TIMP3: variants seen among roughly 807,000 people sequenced by gnomAD.
TIMP3 encodes TIMP metallopeptidase inhibitor 3.
In TIMP3, 11 loss-of-function variants were observed where a neutral mutation model predicts 30.0. The ratio of observed to expected loss-of-function variants is 0.37; its 90% CI spans 0.23 to 0.61. The LOEUF (loss-of-function observed/expected upper bound fraction) is 0.61. Ranked by LOEUF, TIMP3 falls within the 20% of genes least tolerant of loss-of-function variation. The pLI, the probability that TIMP3 is intolerant of heterozygous loss-of-function variation, is 0.70. For synonymous variants in TIMP3, 112 were observed against 111.3 expected, an observed-to-expected ratio of 1.01 and a Z score of -0.04; for missense variants, 181 against 276.8, an observed-to-expected ratio of 0.65 and a Z score of 2.45.
At chr22:32,830,280 C>T (rs1486924827) in intron 1 of TIMP3, among the ~76,000 whole-genome samples, 3 of 152,204 alleles carry the variant, frequency 2.0e-5, no homozygotes, top group Non-Finnish European at 4.4e-5. Context: ...GGTTACTTTG[C>T]ACCAGGCACT....
At chr22:32,839,122 G>A (rs961854277) in intron 1 of TIMP3, among the ~76,000 whole-genome samples, 1 of 151,962 alleles carries the variant, frequency 6.6e-6, no homozygotes, top group African/African-American at 2.4e-5. Flanking sequence ...GGCATCATAG[G>A]ACAGGTTCAT....
intron 4 of TIMP3, 87 bp from the exon 5 acceptor site, chr22:32,859,093 C>T: frequency 7.3e-7 from 1 of 1,374,770 alleles, no homozygotes; most frequent in Non-Finnish European, 1.0e-6. Flanking sequence ...ATGCAGTGGC[C>T]CCAGGGTCTG....
At chr22:32,815,153 C>T (rs1490925271) in intron 1 of TIMP3, among the ~76,000 whole-genome samples, 1 of 152,206 alleles carries the variant, frequency 6.6e-6, no homozygotes, top group Non-Finnish European at 1.5e-5. Context: ...GGCATCTTCC[C>T]CTCCCCATTT....
intron 1 of TIMP3, among the ~76,000 whole-genome samples, chr22:32,842,637 T>C (rs2047944137): frequency 6.6e-6 from 1 of 152,358 alleles, no homozygotes; most frequent in Admixed American, 6.5e-5. Context: ...TTTGTACATA[T>C]ACATTGTCTC....
At chr22:32,826,895 ATCT>A (rs575246536) in intron 1 of TIMP3, among the ~76,000 whole-genome samples, 21 of 152,190 alleles carry the variant, frequency 1.4e-4, no homozygotes, top group African/African-American at 5.1e-4. Context: ...GCTGCCACTG[ATCT>A]TCTTATTCCA....
intron 1 of TIMP3, among the ~76,000 whole-genome samples, chr22:32,811,892 G>T (rs1215030542): frequency 1.3e-5 from 2 of 152,170 alleles, no homozygotes; most frequent in African/African-American, 4.8e-5. Context: ...AAGTCACTAG[G>T]GTAGCCAAAG....
At chr22:32,852,969 G>A (rs2048264583) in intron 2 of TIMP3, among the ~76,000 whole-genome samples, 1 of 152,222 alleles carries the variant, frequency 6.6e-6, no homozygotes, top group Admixed American at 6.5e-5. Context: ...GGGACAGAAC[G>A]TGGGGGACAT....
chr22:32,846,728 T>C (rs2048073765), intron 1 of TIMP3, among the ~76,000 whole-genome samples: 1 of 152,094 alleles, frequency 6.6e-6, no homozygotes. Flanking sequence ...CCAATAGTAA[T>C]AAGCAAATCA....
At chr22:32,823,908 C>T (rs1246464810) in intron 1 of TIMP3, among the ~76,000 whole-genome samples, 1 of 152,068 alleles carries the variant, frequency 6.6e-6, no homozygotes, top group African/African-American at 2.4e-5. Context: ...CTTTTGACAC[C>T]TATATGTCTA....
chr22:32,852,058 G>C (rs556288169), intron 2 of TIMP3, among the ~76,000 whole-genome samples: 1 of 152,316 alleles, frequency 6.6e-6, no homozygotes, highest in African/African-American at 2.4e-5. Context: ...CATTTACTGA[G>C]CAATTGCTTA....
At chr22:32,823,265 T>C (rs1190807098) in intron 1 of TIMP3, among the ~76,000 whole-genome samples, 1 of 152,174 alleles carries the variant, frequency 6.6e-6, no homozygotes, top group African/African-American at 2.4e-5. Flanking sequence ...AGTTACCTGA[T>C]TGCTCTTACG....
chr22:32,845,542 CG>C lies in TIMP3; in HGVS notation c.122-3907del, dbSNP rs372815830. ...CCACTAGACTAGCCATCAGTGGAAG[CG>C]GGAAATAGGACTTCTATTTCTTGTT... On this transcript the variant is annotated intron_variant, in intron 1 of 4. Transcript: ENST00000266085. Among the ~76,000 whole-genome samples, 475 of 152,246 alleles carry C rather than the reference CG, an allele frequency of 3.1e-3. 2 individuals are homozygous for C. Among genetic ancestry groups the C allele is most frequent in the African/African-American group, 0.011 (449 of 41,552 alleles).
rs536184086 is a variant in TIMP3 at position 32,861,566 on chromosome 22, G to A, written c.*2189G>A. ...TTCTCTGTGAGGCATCTGGCCATTC[G>A]CACTCCCTGGTGTGGTCAGCCTCTC... On this transcript the variant is annotated 3_prime_UTR_variant, in exon 5 of 5. Transcript: ENST00000266085. 8 of 152,628 alleles carry A rather than the reference G, an allele frequency of 5.2e-5. No individual in the cohort carries two copies. The highest frequency in any genetic ancestry group is 2.9e-5 in the Non-Finnish European group (2 of 68,032). The allele number at this position is 152,628 out of a possible 1,614,324, so 9.5% of individuals were successfully genotyped here.
At chr22:32,816,849 G>A (rs1282384339) in intron 1 of TIMP3, among the ~76,000 whole-genome samples, 2 of 152,164 alleles carry the variant, frequency 1.3e-5, no homozygotes, top group African/African-American at 4.8e-5. Flanking sequence ...GGATGGGGCA[G>A]GCAACATTTC....
intron 2 of TIMP3, among the ~76,000 whole-genome samples, chr22:32,854,595 G>A (rs1343945022): frequency 1.3e-5 from 2 of 152,120 alleles, no homozygotes; most frequent in African/African-American, 2.4e-5. Context: ...GATGTTCTTC[G>A]AAGGCCACAC....
chr22:32,838,259 G>A (rs764831987), intron 1 of TIMP3, among the ~76,000 whole-genome samples: 1 of 152,174 alleles, frequency 6.6e-6, no homozygotes, highest in Non-Finnish European at 1.5e-5. Flanking sequence ...GGAGAAGGAG[G>A]GGGGGTGGCA....
intron 1 of TIMP3, among the ~76,000 whole-genome samples, chr22:32,809,362 G>A (rs865808879): frequency 2.0e-4 from 30 of 152,230 alleles, no homozygotes; most frequent in South Asian, 6.2e-4. Context: ...TGGGGTCCCC[G>A]TCAGTCTGCT....
At chr22:32,845,543 G>A (rs1198469299) in intron 1 of TIMP3, among the ~76,000 whole-genome samples, 2 of 151,206 alleles carry the variant, frequency 1.3e-5, no homozygotes, top group South Asian at 2.1e-4. Context: ...CAGTGGAAGC[G>A]GGAAATAGGA....
At position 32,857,305 on chromosome 22, in the gene TIMP3, C is replaced by T. The variant is rs11547635; in HGVS notation, c.261C>T (p.Ser87=). ...TGCAGTACATCCATACGGAAGCTTCCGAGAGTCTCTGTGGCCTTAAGCTGG... is the reference window on the plus strand; with the variant it reads ...TGCAGTACATCCATACGGAAGCTTCTGAGAGTCTCTGTGGCCTTAAGCTGG... ...PHVQYIHTEA[S]ESLCGLKLEV... Residue 87 remains serine (S), a synonymous_variant, in exon 3 of 5, where the codon TCC becomes TCT. Coordinates refer to ENST00000266085, the MANE Select transcript of TIMP3 (RefSeq NM_000362.5). The T allele has an allele frequency of 0.087, 140,511 of 1,612,884 alleles. 9,212 individuals are homozygous for T. The highest frequency in any genetic ancestry group is 0.36 in the East Asian group (16,197 of 44,844).
Sources: gnomAD v4.1 joint callset for allele counts (sites outside exome capture counted in the v4.1 genomes callset) on GRCh38, gnomAD v4.1.1 for gene constraint, MANE v1.5 for transcripts, NCBI Gene and HGNC (gene_info 2026-07-23, HGNC 2026-07-21) for gene names.